COL25A1: variants seen among roughly 807,000 people sequenced by gnomAD.
COL25A1 encodes the protein collagen type XXV alpha 1 chain, also known as collagen alpha-1(XXV) chain.
A neutral mutation model predicts 128.4 loss-of-function variants in COL25A1; 103 were observed. That is an observed-to-expected ratio of 0.80 (90% CI 0.68 to 0.94). COL25A1 has a LOEUF of 0.94. Ranked by LOEUF, COL25A1 falls within the 40% of genes least tolerant of loss-of-function variation. The pLI, the probability that COL25A1 is intolerant of heterozygous loss-of-function variation, is 0.00. For synonymous variants in COL25A1, 279 were observed against 277.2 expected, an observed-to-expected ratio of 1.01 and a Z score of -0.06; for missense variants, 745 against 840.0, an observed-to-expected ratio of 0.89 and a Z score of 1.40.
intron 12 of COL25A1, among the ~76,000 whole-genome samples, chr4:108,919,768 A>AT (rs978862623): frequency 3.3e-5 from 5 of 149,832 alleles, no homozygotes; most frequent in East Asian, 2.0e-4. Flanking sequence ...GAAAAAAAAA[A>AT]TTTTTTTTTT....
intron 3 of COL25A1, among the ~76,000 whole-genome samples, chr4:109,070,532 G>A (rs1762845277): frequency 1.3e-5 from 2 of 151,848 alleles, no homozygotes; most frequent in Non-Finnish European, 2.9e-5. Flanking sequence ...ACACATTTTG[G>A]CTACTATTTC....
At chr4:109,167,473 ATACT>A (rs535112769) in intron 3 of COL25A1, among the ~76,000 whole-genome samples, 47 of 152,288 alleles carry the variant, frequency 3.1e-4, no homozygotes, top group African/African-American at 1.1e-3. Context: ...TCTAGGAAAA[ATACT>A]TACTGTGCCA....
chr4:109,106,036 C>G (rs1766397574), intron 3 of COL25A1, among the ~76,000 whole-genome samples: 2 of 152,188 alleles, frequency 1.3e-5, no homozygotes, highest in African/African-American at 4.8e-5. Context: ...GAATGAACTA[C>G]TGTGCTTTCT....
At chr4:109,209,616 T>C (rs1436743031) in intron 3 of COL25A1, among the ~76,000 whole-genome samples, 1 of 152,182 alleles carries the variant, frequency 6.6e-6, no homozygotes, top group African/African-American at 2.4e-5. Context: ...TCACTTTATT[T>C]TCAAAAACCT....
intron 3 of COL25A1, among the ~76,000 whole-genome samples, chr4:109,100,851 C>T (rs1200344313): frequency 2.0e-5 from 3 of 152,102 alleles, no homozygotes; most frequent in Admixed American, 6.6e-5. Flanking sequence ...GAAATACTCC[C>T]GATTCCAATT....
chr4:109,122,472 C>G (rs374537964), intron 3 of COL25A1, among the ~76,000 whole-genome samples: 2 of 151,718 alleles, frequency 1.3e-5, no homozygotes, highest in African/African-American at 2.4e-5. Context: ...TGAGGGGAAT[C>G]GAGGGGAGAA....
chr4:109,006,936 A>T (rs1453276017), intron 6 of COL25A1, among the ~76,000 whole-genome samples: 1 of 152,194 alleles, frequency 6.6e-6, no homozygotes, highest in Non-Finnish European at 1.5e-5. Flanking sequence ...GAGCATCGGG[A>T]AGAATAGCTA....
In COL25A1 at chr4:108,812,676, A is replaced by G. The variant is rs1730891901; in HGVS notation, c.*1251T>C. On this transcript the variant is annotated 3_prime_UTR_variant, in exon 38 of 38. Transcript: ENST00000399132. Reference sequence around the variant, plus strand: ...TCTTGGGACTAAAGAAAGAAAAAGAAAAAAGCATTAAAAAGAATGAAAAAT... The same window carrying G: ...TCTTGGGACTAAAGAAAGAAAAAGAGAAAAGCATTAAAAAGAATGAAAAAT... 6.6e-6 allele frequency: 1 copy of G among 152,240 alleles called. No individual in the cohort carries two copies. The highest frequency in any genetic ancestry group is 2.4e-5 in the African/African-American group (1 of 41,458). 9.4% of individuals were successfully genotyped at this position (152,240 alleles called of 1,614,324 possible). A position where few individuals can be genotyped will look rare whatever the true frequency, so the allele number is the denominator to read the frequency against.
At chr4:109,228,424 G>A (rs1022638803) in intron 3 of COL25A1, among the ~76,000 whole-genome samples, 2 of 152,116 alleles carry the variant, frequency 1.3e-5, no homozygotes, top group African/African-American at 4.8e-5. Flanking sequence ...CAACTGACAC[G>A]ATGTAACTAT....
intron 5 of COL25A1, among the ~76,000 whole-genome samples, chr4:109,043,021 G>A (rs901491482): frequency 6.6e-6 from 1 of 151,984 alleles, no homozygotes; most frequent in Non-Finnish European, 1.5e-5. Flanking sequence ...AAATATGGGG[G>A]ACTTTGAAGA....
intron 2 of COL25A1, 90 bp from the exon 3 acceptor site, chr4:109,300,742 G>A (rs1725437104): frequency 1.2e-6 from 1 of 856,728 alleles, no homozygotes; most frequent in South Asian, 1.5e-5. Flanking sequence ...CTGATTTACC[G>A]GCATTTCATA....
At chr4:108,915,990 C>G (rs1744831178) in intron 13 of COL25A1, among the ~76,000 whole-genome samples, 2 of 152,224 alleles carry the variant, frequency 1.3e-5, no homozygotes, top group South Asian at 2.1e-4. Flanking sequence ...TTCATGTGCT[C>G]TAAGTATGTA....
chr4:109,043,725 T>C (rs765535725), intron 5 of COL25A1, among the ~76,000 whole-genome samples: 1 of 152,104 alleles, frequency 6.6e-6, no homozygotes, highest in Non-Finnish European at 1.5e-5. Flanking sequence ...CTGAAAAGGA[T>C]CAAAACTATG....
At chr4:108,920,889 T>A (rs1432326984) in intron 11 of COL25A1, 1 of 263,148 alleles carries the variant, frequency 3.8e-6, no homozygotes, top group African/African-American at 2.2e-5. Context: ...TTTTAAAAAA[T>A]ACCTATAAAT....
intron 3 of COL25A1, among the ~76,000 whole-genome samples, chr4:109,268,213 G>A (rs752640235): frequency 4.6e-5 from 7 of 152,142 alleles, no homozygotes; most frequent in Admixed American, 3.3e-4. Flanking sequence ...AAATTTGGGC[G>A]ACTGAAGAAT....
intron 5 of COL25A1, among the ~76,000 whole-genome samples, chr4:109,017,590 T>C (rs1367980589): frequency 6.6e-6 from 1 of 152,252 alleles, no homozygotes; most frequent in African/African-American, 2.4e-5. Context: ...GGATGGTAAA[T>C]CTGTGTCTTT....
At chr4:109,079,735 A>C (rs1763674493) in intron 3 of COL25A1, among the ~76,000 whole-genome samples, 1 of 151,902 alleles carries the variant, frequency 6.6e-6, no homozygotes, top group Non-Finnish European at 1.5e-5. Flanking sequence ...GGAGCTGATA[A>C]GCACATTTTT....
At chr4:109,126,414 T>C (rs1440713546) in intron 3 of COL25A1, among the ~76,000 whole-genome samples, 1 of 152,180 alleles carries the variant, frequency 6.6e-6, no homozygotes, top group African/African-American at 2.4e-5. Flanking sequence ...TGGTCTGCTT[T>C]GACTTGAGAT....
At chr4:108,826,799 G>C (rs1490915355) in intron 33 of COL25A1, among the ~76,000 whole-genome samples, 3 of 152,084 alleles carry the variant, frequency 2.0e-5, no homozygotes, top group Non-Finnish European at 4.4e-5. Flanking sequence ...ATTTTCCAAG[G>C]AAGTGCCAGT....
Sources: allele counts gnomAD v4.1 joint callset (sites outside exome capture counted in the v4.1 genomes callset), GRCh38; gene constraint gnomAD v4.1.1; transcripts MANE v1.5; gene names NCBI Gene and HGNC (gene_info 2026-07-23, HGNC 2026-07-21).